Variants in TDRD9 observed in about 807,000 individuals in gnomAD.
TDRD9 encodes tudor domain containing 9.
A neutral mutation model predicts 172.6 loss-of-function variants in TDRD9; 124 were observed. The ratio of observed to expected loss-of-function variants is 0.72; its 90% CI spans 0.62 to 0.83. The LOEUF is 0.83. TDRD9 is among the 40% of genes least tolerant of loss of function. TDRD9 has a pLI of 0.00. For missense variants in TDRD9, 1,479 were observed against 1,714.1 expected, an observed-to-expected ratio of 0.86 and a Z score of 2.42; for synonymous variants, 619 against 617.1, an observed-to-expected ratio of 1.00 and a Z score of -0.05.
chr14:103,951,500 G>A (rs1019763123), intron 1 of TDRD9, among the ~76,000 whole-genome samples: 2 of 152,174 alleles, frequency 1.3e-5, no homozygotes, highest in African/African-American at 4.8e-5. Flanking sequence ...ATTGTACATA[G>A]AAAGGATATG....
chr14:103,940,257 C>T (rs1181860944), intron 1 of TDRD9, among the ~76,000 whole-genome samples: 1 of 152,102 alleles, frequency 6.6e-6, no homozygotes, highest in African/African-American at 2.4e-5. Flanking sequence ...TAATGTTGAG[C>T]TTAAAAGTAC....
intron 6 of TDRD9, among the ~76,000 whole-genome samples, chr14:103,971,150 A>AT: frequency 6.6e-6 from 1 of 151,164 alleles, no homozygotes; most frequent in South Asian, 2.1e-4. Context: ...AGCCCAGCTA[A>AT]TTTTTTGTAT....
Position 104,034,951 on chromosome 14 carries a change from C to G in TDRD9, c.3620-9C>G, listed in dbSNP as rs2035405780. ...AATGCCCGATGTTGATTTAGCATGA[C>G]TTGAACAGGATCTACGATGCTGCTG... On this transcript the variant is annotated splice_polypyrimidine_tract_variant and intron_variant, in intron 31 of 35. Coordinates refer to ENST00000409874, the MANE Select transcript of TDRD9 (RefSeq NM_153046.3). The G allele has an allele frequency of 6.5e-7, 1 of 1,549,854 alleles. No homozygotes were observed. Among genetic ancestry groups the G allele is most frequent in the Non-Finnish European group, 8.7e-7 (1 of 1,145,614 alleles).
At chr14:104,040,415 T>G (rs1461055085) in intron 33 of TDRD9, 81 bp downstream of exon 33, 15 of 1,357,190 alleles carry the variant, frequency 1.1e-5, no homozygotes, top group Non-Finnish European at 5.8e-6. Flanking sequence ...CAGGGTCTGC[T>G]GTGGAGCTCG....
In TDRD9 at chr14:104,006,698, C is replaced by A. The variant is rs139072700; in HGVS notation, c.1932C>A (p.Leu644=). 1 of 1,613,752 alleles carries A rather than the reference C, an allele frequency of 6.2e-7. No homozygotes were observed. Among genetic ancestry groups the A allele is most frequent in the Non-Finnish European group, 8.5e-7 (1 of 1,179,858 alleles). The change falls in exon 17 of 36, where the codon CTC becomes CTA. Residue 644 remains leucine (L), a synonymous_variant. Coordinates refer to ENST00000409874, the MANE Select transcript of TDRD9 (RefSeq NM_153046.3). ...TTGCAATGCCTTTCCGGCAGCATCT[C>A]GATGGATATAGGTACTGAACATTCA... The part of the protein sequence containing the change: ...NFFAMPFRQH[L]DGYRNKVNFS...
At chr14:103,945,843 A>G (rs2031526901) in intron 1 of TDRD9, among the ~76,000 whole-genome samples, 1 of 152,256 alleles carries the variant, frequency 6.6e-6, no homozygotes, top group Non-Finnish European at 1.5e-5. Flanking sequence ...AACCTTGAAA[A>G]GCAAGCTAAG....
intron 25 of TDRD9, 72 bp downstream of exon 25, chr14:104,024,752 ACACACACACAC>A: frequency 1.3e-4 from 1 of 7,518 alleles, no homozygotes; most frequent in Non-Finnish European, 3.0e-4. Context: ...GGAAGTTTAC[ACACACACACAC>A]ACACACACAC....
rs1009692824 is a variant in TDRD9, at chr14:104,022,159, C to A, written c.2435C>A (p.Ala812Asp). ...TTAAATTTACATTTGTGGAACAGAG[C>A]CTTTGTGGAATTCTCACGAAATCCA... The part of the protein sequence containing the change: ...VKSIVFDGAK[A>D]FVEFSRNPTE... The change falls in exon 24 of 36, where the codon GCC becomes GAC. Residue 812 changes from alanine to aspartate, a missense_variant and splice_region_variant. By Grantham distance (126) the Ala-to-Asp change is moderately radical. Coordinates refer to ENST00000409874, the MANE Select transcript of TDRD9 (RefSeq NM_153046.3). 4 of 1,551,852 alleles carry A rather than the reference C, an allele frequency of 2.6e-6. No homozygotes were observed. The East Asian group carries it at 9.8e-5, about 38-fold the overall frequency.
intron 28 of TDRD9, among the ~76,000 whole-genome samples, chr14:104,027,711 T>G (rs1566793285): frequency 1.3e-5 from 2 of 152,244 alleles, no homozygotes; most frequent in Admixed American, 1.3e-4. Flanking sequence ...GTTGTAAACA[T>G]TCAAGAACTT....
At chr14:103,958,511 T>C (rs1487966028) in intron 2 of TDRD9, among the ~76,000 whole-genome samples, 1 of 152,182 alleles carries the variant, frequency 6.6e-6, no homozygotes. Flanking sequence ...TCTTTGCAGA[T>C]GCAAATTAAG....
chr14:103,951,211 A>G (rs2031855692), intron 1 of TDRD9, among the ~76,000 whole-genome samples: 1 of 152,236 alleles, frequency 6.6e-6, no homozygotes, highest in Admixed American at 6.5e-5. Context: ...TTGTTAGGTT[A>G]TTCCTGCACT....
chr14:104,010,616 TA>T (rs1228082018), intron 20 of TDRD9, among the ~76,000 whole-genome samples: 23 of 147,144 alleles, frequency 1.6e-4, no homozygotes, highest in East Asian at 3.9e-4. Context: ...GAAGTTAATT[TA>T]AAAAAAAAAT....
chr14:103,930,400 C>T (rs1374017202), intron 1 of TDRD9, among the ~76,000 whole-genome samples: 1 of 152,078 alleles, frequency 6.6e-6, no homozygotes, highest in Non-Finnish European at 1.5e-5. Context: ...TTGGCCAGGT[C>T]GGTCTGACCT....
chr14:104,031,203 T>G lies in TDRD9; in HGVS notation c.3378T>G (p.Tyr1126Ter). ...TTCCCATGAAAGACGACGAGAAATA[T>G]CTCATCCGGATTTTGTTAGAGAGCT... is the stretch of plus-strand genomic sequence containing the variant. ...VPFPMKDDEKYLIRILLESFS... is the reference protein window; with the variant it reads ...VPFPMKDDEK The change falls in exon 29 of 36, where the codon TAT becomes TAG. Residue 1126 changes from tyrosine to a stop codon, truncating the protein, a stop_gained. Transcript: ENST00000409874. LOFTEE classifies it high-confidence loss of function. 6.4e-7 allele frequency: 1 copy of G among 1,551,852 alleles called. No homozygotes were observed. Among genetic ancestry groups the G allele is most frequent in the Non-Finnish European group, 8.7e-7 (1 of 1,147,010 alleles).
At chr14:103,965,624 T>C in intron 4 of TDRD9, 70 bp downstream of exon 4, 1 of 1,396,742 alleles carries the variant, frequency 7.2e-7, no homozygotes, top group Non-Finnish European at 9.8e-7. Context: ...TATTAAGTTT[T>C]TTTCTGTGTA....
At chr14:103,952,218 ATATTTTTTTTTTTTTTTTTTTTTTTTT>A (rs2031954314) in intron 1 of TDRD9, among the ~76,000 whole-genome samples, 2 of 44,096 alleles carry the variant, frequency 4.5e-5, no homozygotes, top group South Asian at 1.7e-3. Context: ...ATATATATAT[ATATTTTTTTTTTTTTTTTTTTTTTTTT>A]TTTTTTTTTT....
chr14:103,955,270 G>A (rs950826101), intron 1 of TDRD9, among the ~76,000 whole-genome samples: 2 of 152,166 alleles, frequency 1.3e-5, no homozygotes, highest in Admixed American at 6.5e-5. Context: ...GGAGGTTGAG[G>A]TGGGAGGATT....
At chr14:103,998,383 G>A (rs998343472) in intron 12 of TDRD9, among the ~76,000 whole-genome samples, 1 of 151,960 alleles carries the variant, frequency 6.6e-6, no homozygotes, top group Non-Finnish European at 1.5e-5. Flanking sequence ...TTTATGACAC[G>A]TTGGGTCTTA....
At chr14:103,998,868 C>G (rs572057041) in intron 13 of TDRD9, 140 bp downstream of exon 13, 27 of 536,158 alleles carry the variant, frequency 5.0e-5, no homozygotes, top group South Asian at 4.0e-4. Flanking sequence ...TCTCGGTTCA[C>G]TGCAAGCTCC....
Sources: allele counts gnomAD v4.1 joint callset (sites outside exome capture counted in the v4.1 genomes callset), GRCh38; gene constraint gnomAD v4.1.1; transcripts MANE v1.5; gene names NCBI Gene and HGNC (gene_info 2026-07-23, HGNC 2026-07-21).